The following RAPGEF2 variants were observed in gnomAD, a reference collection of about 807,000 sequenced individuals.
RAPGEF2 encodes PDZ domain containing guanine nucleotide exchange factor (GEF) 1.
Under a neutral mutation model 186.7 loss-of-function variants are expected in RAPGEF2, and 54 were observed. The observed-to-expected ratio is 0.29, with a 90% CI of 0.23 to 0.36. RAPGEF2 has a LOEUF of 0.36. Ranked by LOEUF, RAPGEF2 falls within the 10% of genes least tolerant of loss-of-function variation. RAPGEF2 has a pLI of 1.00. For synonymous variants in RAPGEF2, 712 were observed against 705.9 expected (o/e 1.01, Z -0.14); for missense variants, 1,532 against 2,045.0 (o/e 0.75, Z 4.84).
intron 7 of RAPGEF2, among the ~76,000 whole-genome samples, chr4:159,251,840 T>C (rs1755447481): frequency 6.6e-6 from 1 of 151,782 alleles, no homozygotes; most frequent in Admixed American, 6.6e-5. Context: ...ATAAACAGGC[T>C]GCCCAGTTTG....
chr4:159,258,149 A>G (rs1480631929), intron 7 of RAPGEF2, among the ~76,000 whole-genome samples: 1 of 152,230 alleles, frequency 6.6e-6, no homozygotes, highest in Non-Finnish European at 1.5e-5. Flanking sequence ...GTAAATATCA[A>G]AATGGTAGTA....
At chr4:159,174,804 T>G (rs1018536687) in intron 1 of RAPGEF2, among the ~76,000 whole-genome samples, 1 of 151,360 alleles carries the variant, frequency 6.6e-6, no homozygotes, top group Non-Finnish European at 1.5e-5. Flanking sequence ...TTGCCCAGAA[T>G]GGAGTGCATT....
intron 1 of RAPGEF2, among the ~76,000 whole-genome samples, chr4:159,157,263 A>T (rs928741335): frequency 6.6e-6 from 1 of 152,202 alleles, no homozygotes. Context: ...TTAGGTGGTT[A>T]TAGCTGAGTA....
chr4:159,131,093 TGTGTGA>T (rs1295345761), intron 1 of RAPGEF2, among the ~76,000 whole-genome samples: 4 of 44,208 alleles, frequency 9.0e-5, no homozygotes, highest in Non-Finnish European at 1.8e-4. Context: ...TGTGTGTGTG[TGTGTGA>T]GAGAGAGAGA....
Position 159,193,223 on chromosome 4 carries a change from A to C in RAPGEF2, c.164A>C (p.Tyr55Ser), listed in dbSNP as rs1370556367. Residue 55 changes from tyrosine (Y) to serine (S), a missense_variant, in exon 3 of 30, where the codon TAT becomes TCT. By Grantham distance (144) the Tyr-to-Ser change is moderately radical (BLOSUM62 -2). Transcript: ENST00000691494. ...QLRLMCETVRYERHEANEVLY... is the reference protein window; with the variant it reads ...QLRLMCETVRSERHEANEVLY... ...AGGTTAATGTGTGAAACTGTGAGAT[A>C]TGAGAGACACGAAGCAAATGAAGTT... The C allele has an allele frequency of 6.6e-7, 1 of 1,506,432 alleles. No homozygotes were observed. The highest frequency in any genetic ancestry group is 8.8e-7 in the Non-Finnish European group (1 of 1,132,204). The allele number at this position is 1,506,432 out of a possible 1,614,324, so 93.3% of individuals were successfully genotyped here.
chr4:159,344,144 CTTTGCATT>C, intron 23 of RAPGEF2, 85 bp downstream of exon 23: 2 of 1,444,292 alleles, frequency 1.4e-6, no homozygotes, highest in African/African-American at 1.4e-5. Flanking sequence ...TTTTCTGATG[CTTTGCATT>C]TTTGCATTTT....
intron 3 of RAPGEF2, 140 bp from the exon 4 acceptor site, chr4:159,210,360 T>A: frequency 1.8e-6 from 1 of 541,044 alleles, no homozygotes; most frequent in South Asian, 3.1e-5. Context: ...AGTTGAATAA[T>A]GGTATTTTTA....
Position 159,338,482 on chromosome 4 carries a change from A to G in RAPGEF2, c.2293+14A>G, listed in dbSNP as rs1175397001. On this transcript the variant is annotated intron_variant, in intron 18 of 29. Coordinates refer to ENST00000691494, the MANE Select transcript of RAPGEF2 (RefSeq NM_001394067.2). ...GTGCTACTCCTGGTGAGTATCACCA[A>G]CACTTCTTTTGTTTTCTTATAGTTA... 2 of 1,596,930 alleles carry G rather than the reference A, an allele frequency of 1.3e-6. No homozygotes were observed. Among genetic ancestry groups the G allele is most frequent in the African/African-American group, 2.7e-5 (2 of 74,386 alleles).
intron 7 of RAPGEF2, among the ~76,000 whole-genome samples, chr4:159,281,671 CAAAAA>C (rs11346544): frequency 2.8e-4 from 24 of 85,192 alleles, no homozygotes; most frequent in East Asian, 4.2e-4. Flanking sequence ...AACTTGATTT[CAAAAA>C]AAAAAAAAAA....
intron 10 of RAPGEF2, 86 bp downstream of exon 10, chr4:159,322,569 T>C: frequency 8.3e-7 from 1 of 1,202,984 alleles, no homozygotes. Context: ...TTCTTACTTT[T>C]TCCTTTTTAA....
In RAPGEF2 at chr4:159,336,002, G is replaced by A. The variant is rs190779347; in HGVS notation, c.2136-2309G>A. On this transcript the variant is annotated intron_variant, in intron 17 of 29. Coordinates refer to ENST00000691494, the MANE Select transcript of RAPGEF2 (RefSeq NM_001394067.2). Reference sequence around the variant, plus strand: ...GTTTTTGGCAGAGACTGCTTTATATGGTTGAAAAATAAAATTCCACTAACG... The same window carrying A: ...GTTTTTGGCAGAGACTGCTTTATATAGTTGAAAAATAAAATTCCACTAACG... 5.7e-4 allele frequency among the ~76,000 whole-genome samples: 86 copies of A among 152,088 alleles called. 1 individual carries two copies. The highest frequency in any genetic ancestry group is 5.6e-3 in the Admixed American group (85 of 15,270).
chr4:159,331,878 G>GTTTT (rs371949915), intron 15 of RAPGEF2, 45 bp downstream of exon 15: 18 of 1,407,520 alleles, frequency 1.3e-5, no homozygotes, highest in African/African-American at 9.0e-5. Flanking sequence ...TTGGTGTCTG[G>GTTTT]TTTTTTTTTT....
chr4:159,275,458 A>G (rs1339128455), intron 7 of RAPGEF2, among the ~76,000 whole-genome samples: 3 of 152,180 alleles, frequency 2.0e-5, no homozygotes, highest in Non-Finnish European at 2.9e-5. Flanking sequence ...ATTAAATGAA[A>G]CATACCCTCC....
At chr4:159,267,301 TC>T (rs1317052545) in intron 7 of RAPGEF2, 1 of 1,289,382 alleles carries the variant, frequency 7.8e-7, no homozygotes, top group Admixed American at 2.3e-5. Flanking sequence ...GCAGCCATGG[TC>T]CTCCAAAGTA....
chr4:159,234,549 A>ATTT (rs10588096), intron 4 of RAPGEF2, among the ~76,000 whole-genome samples: 9 of 108,154 alleles, frequency 8.3e-5, no homozygotes, highest in Non-Finnish European at 1.1e-4. Context: ...TGCCCGGCTA[A>ATTT]TTTTTTTTTT....
At chr4:159,344,958 T>G in intron 23 of RAPGEF2, 148 bp from the exon 24 acceptor site, 1 of 627,348 alleles carries the variant, frequency 1.6e-6, no homozygotes, top group Non-Finnish European at 2.8e-6. Context: ...ATCTGTATTA[T>G]TCTATATTCC....
intron 1 of RAPGEF2, among the ~76,000 whole-genome samples, chr4:159,154,824 A>G (rs907858894): frequency 1.3e-5 from 2 of 152,086 alleles, no homozygotes; most frequent in Non-Finnish European, 2.9e-5. Context: ...ACTGCTTCTT[A>G]TGAATTCTAT....
intron 4 of RAPGEF2, among the ~76,000 whole-genome samples, chr4:159,211,422 T>C (rs1283482393): frequency 6.6e-6 from 1 of 150,512 alleles, no homozygotes; most frequent in Non-Finnish European, 1.5e-5. Context: ...ATTTTTATTT[T>C]AAATTACTAA....
intron 1 of RAPGEF2, among the ~76,000 whole-genome samples, chr4:159,177,834 T>G (rs749643387): frequency 2.6e-5 from 4 of 152,248 alleles, no homozygotes; most frequent in Non-Finnish European, 5.9e-5. Context: ...CTCTAATTCA[T>G]TGCTAGTGAT....
Sources: gnomAD v4.1 joint callset for allele counts (sites outside exome capture counted in the v4.1 genomes callset) on GRCh38, gnomAD v4.1.1 for gene constraint, MANE v1.5 for transcripts, NCBI Gene and HGNC (gene_info 2026-07-23, HGNC 2026-07-21) for gene names.